The following MAN1C1 variants were observed in gnomAD, a reference collection of about 807,000 sequenced individuals.
MAN1C1 encodes mannosidase alpha class 1C member 1.
Under a neutral mutation model 71.5 loss-of-function variants are expected in MAN1C1, and 49 were observed. The observed-to-expected ratio is 0.69, with a 90% CI of 0.54 to 0.87. The LOEUF is 0.87. Among genes scored for constraint, MAN1C1 ranks in the 40% least tolerant of loss-of-function variants. The pLI, the probability that MAN1C1 is intolerant of heterozygous loss-of-function variation, is 0.00. For synonymous variants in MAN1C1, 352 were observed against 343.7 expected (o/e 1.02, Z -0.27); for missense variants, 743 against 835.0 (o/e 0.89, Z 1.36).
Position 25,753,974 on chromosome 1 carries a change from TC to T in MAN1C1, c.929+401del, listed in dbSNP as rs947589213. Among the ~76,000 whole-genome samples, 5 of 151,980 alleles carry T rather than the reference TC, an allele frequency of 3.3e-5. No homozygotes were observed. The highest frequency in any genetic ancestry group is 1.2e-4 in the African/African-American group (5 of 41,368). ...TCCACAATGGCCCCAAACACTCTCT[TC>T]CCCCGCTGGGGTTCCGGAGCCAGCA... On this transcript the variant is annotated intron_variant, in intron 5 of 11. Transcript: ENST00000374332. This position sits in a 1 kb window ranked among gnomAD's most constrained non-coding sequence, Gnocchi z 4.9.
rs2046969539 is a variant in MAN1C1, at chr1:25,735,425, T to C, written c.638-11243T>C. Among the ~76,000 whole-genome samples the C allele has an allele frequency of 6.6e-6, 1 of 152,048 alleles. No individual in the cohort carries two copies. Among genetic ancestry groups the C allele is most frequent in the Non-Finnish European group, 1.5e-5 (1 of 67,990 alleles). ...CAGAGCGAGACTGTGTCTCAAAATG[T>C]GTATGTATGTATGTGTATGTATATA... On this transcript the variant is annotated intron_variant, in intron 2 of 11. Coordinates refer to ENST00000374332, the MANE Select transcript of MAN1C1 (RefSeq NM_020379.4). The surrounding 1 kb of genome is among the most constrained non-coding windows in gnomAD (Gnocchi z 4.6).
chr1:25,707,616 A>G (rs538874280), intron 2 of MAN1C1, among the ~76,000 whole-genome samples: 1 of 152,302 alleles, frequency 6.6e-6, no homozygotes, highest in South Asian at 2.1e-4. Context: ...CCCTGGTACA[A>G]TGAACCAGCC....
chr1:25,687,912 G>A (rs529806240), intron 2 of MAN1C1, among the ~76,000 whole-genome samples: 1 of 151,486 alleles, frequency 6.6e-6, no homozygotes, highest in Non-Finnish European at 1.5e-5. Flanking sequence ...TCTTCTTTCT[G>A]CTTTTTCTTC....
At chr1:25,694,359 T>C (rs1357404769) in intron 2 of MAN1C1, among the ~76,000 whole-genome samples, 1 of 152,148 alleles carries the variant, frequency 6.6e-6, no homozygotes, top group African/African-American at 2.4e-5. Context: ...AGGATGACCA[T>C]GAGGAGCCCC....
chr1:25,775,455 G>T lies in MAN1C1; in HGVS notation c.1258-2650G>T, dbSNP rs1572213271. ...AGAAAAAAGGAAAAAACAGACCCAG[G>T]AGTGAGCGAGTGTTCCTTGAGCATC... On this transcript the variant is annotated intron_variant, in intron 8 of 11. Transcript: ENST00000374332. This position sits in a 1 kb window ranked among gnomAD's most constrained non-coding sequence, Gnocchi z 5.1. 6.6e-6 allele frequency among the ~76,000 whole-genome samples: 1 copy of T among 152,234 alleles called. No homozygotes were observed. Among genetic ancestry groups the T allele is most frequent in the Non-Finnish European group, 1.5e-5 (1 of 68,042 alleles).
chr1:25,747,034 C>T (rs1311292530), intron 3 of MAN1C1, among the ~76,000 whole-genome samples: 1 of 152,242 alleles, frequency 6.6e-6, no homozygotes, highest in Non-Finnish European at 1.5e-5. Context: ...GACCATCCAT[C>T]CCCTCCCTGC....
intron 2 of MAN1C1, among the ~76,000 whole-genome samples, chr1:25,718,865 A>G (rs960793058): frequency 3.3e-5 from 5 of 152,124 alleles, no homozygotes; most frequent in African/African-American, 1.2e-4. Context: ...CTTTTTGGCT[A>G]CTATGAATAA....
intron 2 of MAN1C1, among the ~76,000 whole-genome samples, chr1:25,726,327 T>C (rs1462012393): frequency 6.6e-6 from 1 of 152,118 alleles, no homozygotes; most frequent in African/African-American, 2.4e-5. Context: ...CTCGTTCCTA[T>C]TTACCTTAAC....
chr1:25,738,610 G>C (rs1327681885), intron 2 of MAN1C1, among the ~76,000 whole-genome samples: 1 of 152,220 alleles, frequency 6.6e-6, no homozygotes, highest in Non-Finnish European at 1.5e-5. Context: ...CAGCTGGGAA[G>C]GCTTGAAGGC....
At chr1:25,761,362 T>TA (rs1251107707) in intron 6 of MAN1C1, 2 of 152,114 alleles carry the variant, frequency 1.3e-5, no homozygotes, top group Non-Finnish European at 2.9e-5. Context: ...AAACTGCCAA[T>TA]ATTGGACCTT....
chr1:25,746,578 A>T lies in MAN1C1; in HGVS notation c.638-90A>T. ...CCTTTGCCACCAAGCCTGCGCTGGC[A>T]TTGGAGGGGCCCTGAGAACGGTGGC... On this transcript the variant is annotated intron_variant, in intron 2 of 11. Transcript: ENST00000374332. The surrounding 1 kb of genome is among the most constrained non-coding windows in gnomAD (Gnocchi z 4.0). 9.8e-7 allele frequency: 1 copy of T among 1,015,762 alleles called. No individual in the cohort carries two copies. Among genetic ancestry groups the T allele is most frequent in the Non-Finnish European group, 1.5e-6 (1 of 656,842 alleles). 62.9% of individuals were successfully genotyped at this position (1,015,762 alleles called of 1,614,324 possible). A position where few individuals can be genotyped will look rare whatever the true frequency, so the allele number is the denominator to read the frequency against.
chr1:25,758,334 G>A (rs915318666), intron 5 of MAN1C1, among the ~76,000 whole-genome samples: 11 of 152,158 alleles, frequency 7.2e-5, no homozygotes, highest in African/African-American at 2.7e-4. Context: ...AGTCTTACAG[G>A]GGTTGCTTGA....
intron 4 of MAN1C1, among the ~76,000 whole-genome samples, chr1:25,752,289 G>A (rs12074358): frequency 0.011 from 1,708 of 152,284 alleles, 23 homozygotes; most frequent in African/African-American, 0.038. Context: ...AAACCAAGGT[G>A]CAGCGAGGTT....
intron 2 of MAN1C1, among the ~76,000 whole-genome samples, chr1:25,726,792 A>T (rs2124290083): frequency 6.6e-6 from 1 of 152,086 alleles, no homozygotes; most frequent in East Asian, 1.9e-4. Context: ...ATGATGGCTC[A>T]CGTCTGTAAT....
In MAN1C1 at chr1:25,617,625, C is replaced by T; in HGVS notation, c.-173C>T. ...CCGCCTCCTCGCGGGAGGACTCGCT[C>T]CAAACTCCCTGAACTTCGGGGACAG... is the stretch of plus-strand genomic sequence containing the variant. On this transcript the variant is annotated 5_prime_UTR_variant, in exon 1 of 12. Coordinates refer to ENST00000374332, the MANE Select transcript of MAN1C1 (RefSeq NM_020379.4). The surrounding 1 kb of genome is among the most constrained non-coding windows in gnomAD (Gnocchi z 5.1). The T allele has an allele frequency of 3.6e-6, 2 of 558,280 alleles. No homozygotes were observed. The highest frequency in any genetic ancestry group is 5.0e-5 in the South Asian group (2 of 40,346). The allele number at this position is 558,280 out of a possible 1,614,324, so 34.6% of individuals were successfully genotyped here.
chr1:25,775,929 CA>C lies in MAN1C1; in HGVS notation c.1258-2175del, dbSNP rs2047613603. 1 of 152,158 alleles carries C rather than the reference CA, an allele frequency of 6.6e-6. No individual in the cohort carries two copies. The highest frequency in any genetic ancestry group is 2.4e-5 in the African/African-American group (1 of 41,398). The allele number at this position is 152,158 out of a possible 1,614,324, so 9.4% of individuals were successfully genotyped here. On this transcript the variant is annotated intron_variant, in intron 8 of 11. Coordinates refer to ENST00000374332, the MANE Select transcript of MAN1C1 (RefSeq NM_020379.4). This position sits in a 1 kb window ranked among gnomAD's most constrained non-coding sequence, Gnocchi z 5.1. ...TATGACAGAGTCTCACTCTATTGCC[CA>C]GAGTGGAGTGCAGTGGTGCAATCTT... is the stretch of plus-strand genomic sequence containing the variant.
chr1:25,783,784 C>T lies in MAN1C1; in HGVS notation c.1888C>T (p.His630Tyr), dbSNP rs370339093. The change falls in exon 12 of 12, where the codon CAC becomes TAC. Residue 630 changes from histidine to tyrosine, a missense_variant. Physicochemically the swap from His to Tyr is moderately conservative, Grantham distance 83. Transcript: ENST00000374332. ...SDSSGRAWGR[H>Y] Reference sequence around the variant, plus strand: ...CAGCTCCGGCAGAGCCTGGGGCAGACACTGACCCCATCTCCTGCCGCCGCC... The same window carrying T: ...CAGCTCCGGCAGAGCCTGGGGCAGATACTGACCCCATCTCCTGCCGCCGCC... The T allele has an allele frequency of 2.5e-6, 4 of 1,610,512 alleles. No individual in the cohort carries two copies. Among genetic ancestry groups the T allele is most frequent in the Non-Finnish European group, 3.4e-6 (4 of 1,179,884 alleles).
intron 2 of MAN1C1, among the ~76,000 whole-genome samples, chr1:25,724,437 G>A (rs888727167): frequency 3.3e-5 from 5 of 152,136 alleles, no homozygotes; most frequent in African/African-American, 7.2e-5. Context: ...TCTGTTCCAC[G>A]CATCTCTGCA....
intron 1 of MAN1C1, among the ~76,000 whole-genome samples, chr1:25,664,776 C>T (rs2045897680): frequency 6.6e-6 from 1 of 152,216 alleles, no homozygotes; most frequent in Non-Finnish European, 1.5e-5. Context: ...AAGGGGAAGA[C>T]TCGCTGGGCG....
Sources: gnomAD v4.1 joint callset for allele counts (sites outside exome capture counted in the v4.1 genomes callset) on GRCh38, gnomAD v4.1.1 for gene constraint, Gnocchi (gnomAD v3.1) non-coding constraint, MANE v1.5 for transcripts, NCBI Gene and HGNC (gene_info 2026-07-23, HGNC 2026-07-21) for gene names.